Variants in TENM4 observed in about 807,000 individuals in gnomAD.
TENM4 encodes teneurin-4.
TENM4 carries 82 observed loss-of-function variants against 243.3 expected under a neutral mutation model. The ratio of observed to expected loss-of-function variants is 0.34; its 90% CI spans 0.28 to 0.40. The LOEUF is 0.40. Among genes scored for constraint, TENM4 ranks in the 10% least tolerant of loss-of-function variants. TENM4 has a pLI of 1.00. For missense variants in TENM4, 3,138 were observed against 3,673.3 expected, an observed-to-expected ratio of 0.85 and a Z score of 3.77; for synonymous variants, 1,412 against 1,456.3, an observed-to-expected ratio of 0.97 and a Z score of 0.69.
At chr11:79,270,725 G>T (rs1855954346) in intron 2 of TENM4, among the ~76,000 whole-genome samples, 1 of 152,104 alleles carries the variant, frequency 6.6e-6, no homozygotes, top group South Asian at 2.1e-4. Context: ...CTCTATGTAG[G>T]CATCACCTCC....
chr11:78,932,018 T>A (rs1346006219), intron 6 of TENM4, among the ~76,000 whole-genome samples: 1 of 152,138 alleles, frequency 6.6e-6, no homozygotes, highest in African/African-American at 2.4e-5. Flanking sequence ...AAGGTAGTAA[T>A]GGCTACTTCA....
intron 1 of TENM4, among the ~76,000 whole-genome samples, chr11:79,318,983 A>G (rs925958660): frequency 2.9e-4 from 44 of 152,186 alleles, no homozygotes; most frequent in African/African-American, 9.4e-4. Context: ...CTATAGCTGC[A>G]TTATCACTGC....
intron 3 of TENM4, among the ~76,000 whole-genome samples, chr11:79,168,736 A>AC (rs769931016): frequency 6.6e-6 from 1 of 152,148 alleles, no homozygotes; most frequent in Non-Finnish European, 1.5e-5. Context: ...TAGGAGGTGG[A>AC]GTCCATTTCC....
At chr11:78,841,873 A>G (rs1365152123) in intron 12 of TENM4, among the ~76,000 whole-genome samples, 2 of 152,018 alleles carry the variant, frequency 1.3e-5, no homozygotes, top group Non-Finnish European at 2.9e-5. Context: ...ACTGCTCCCA[A>G]TGAGGGCGCC....
At chr11:78,832,769 C>A (rs1020469625) in intron 12 of TENM4, among the ~76,000 whole-genome samples, 1 of 152,182 alleles carries the variant, frequency 6.6e-6, no homozygotes, top group African/African-American at 2.4e-5. Flanking sequence ...CTAGTAAGAG[C>A]AGGTGGAGGA....
At chr11:79,139,947 C>T (rs1206050163) in intron 4 of TENM4, among the ~76,000 whole-genome samples, 3 of 150,194 alleles carry the variant, frequency 2.0e-5, no homozygotes, top group Admixed American at 6.8e-5. Context: ...ATGGAACCAA[C>T]ATTCCTTATG....
chr11:78,773,684 T>A (rs1169991964), intron 17 of TENM4, among the ~76,000 whole-genome samples: 1 of 152,186 alleles, frequency 6.6e-6, no homozygotes, highest in African/African-American at 2.4e-5. Context: ...TACACACTTT[T>A]AAATGAATAA....
At chr11:79,263,114 T>C (rs530368176) in intron 2 of TENM4, among the ~76,000 whole-genome samples, 1 of 152,312 alleles carries the variant, frequency 6.6e-6, no homozygotes, top group South Asian at 2.1e-4. Context: ...CTGCTATCTA[T>C]CAGGAACCCA....
rs1020944922 is a variant in TENM4, at chr11:79,413,492, G to A, written c.-321+27017C>T. Among the ~76,000 whole-genome samples the A allele has an allele frequency of 2.6e-5, 4 of 152,204 alleles. No individual in the cohort carries two copies. The East Asian group carries it at 7.7e-4, about 29-fold the overall frequency. ...CTCCTACTGATTGGTCAGCAGACAT[G>A]AGAGAGAAGACACAAGGTTCCCATG... On this transcript the variant is annotated intron_variant, in intron 1 of 33. Coordinates refer to ENST00000278550, the MANE Select transcript of TENM4 (RefSeq NM_001098816.3).
chr11:78,787,163 A>G, intron 15 of TENM4, 80 bp from the exon 16 acceptor site: 10 of 1,421,892 alleles, frequency 7.0e-6, no homozygotes, highest in Non-Finnish European at 9.4e-6. Flanking sequence ...GAGAGAGGAG[A>G]GAGAAAAACA....
intron 2 of TENM4, among the ~76,000 whole-genome samples, chr11:79,251,916 A>C (rs1423427113): frequency 6.6e-6 from 1 of 152,206 alleles, no homozygotes; most frequent in African/African-American, 2.4e-5. Flanking sequence ...AGACTTGAGG[A>C]AATTTCCCAT....
chr11:78,738,431 G>T lies in TENM4; in HGVS notation c.2876+20C>A. 1 of 1,610,088 alleles carries T rather than the reference G, an allele frequency of 6.2e-7. No individual in the cohort carries two copies. On this transcript the variant is annotated intron_variant, in intron 20 of 33. Coordinates refer to ENST00000278550, the MANE Select transcript of TENM4 (RefSeq NM_001098816.3). Reference sequence around the variant, plus strand: ...AAGAGCGGGACCTTCACTGTTTCTGGCTCATAGAAGGTCTCCTACCTGCCA... The same window carrying T: ...AAGAGCGGGACCTTCACTGTTTCTGTCTCATAGAAGGTCTCCTACCTGCCA...
intron 2 of TENM4, among the ~76,000 whole-genome samples, chr11:79,244,747 C>T (rs1021589099): frequency 6.6e-6 from 1 of 152,162 alleles, no homozygotes; most frequent in African/African-American, 2.4e-5. Context: ...ATTTCTTTCA[C>T]AAGCCTGTAT....
intron 27 of TENM4, among the ~76,000 whole-genome samples, chr11:78,707,105 T>C (rs748816717): frequency 7.9e-5 from 12 of 152,196 alleles, no homozygotes; most frequent in Non-Finnish European, 1.8e-4. Flanking sequence ...CCAGAAAGGC[T>C]GGAAGCAGGT....
intron 1 of TENM4, among the ~76,000 whole-genome samples, chr11:79,377,665 C>T (rs1317648131): frequency 6.6e-6 from 1 of 152,152 alleles, no homozygotes; most frequent in Non-Finnish European, 1.5e-5. Flanking sequence ...TCAGTGCTAA[C>T]CTAGTGCTCA....
chr11:78,725,512 G>C (rs1158620391), intron 23 of TENM4, among the ~76,000 whole-genome samples: 5 of 152,148 alleles, frequency 3.3e-5, no homozygotes, highest in African/African-American at 1.2e-4. Context: ...TTCTTACCCT[G>C]GGTTCCAGCT....
intron 21 of TENM4, 98 bp from the exon 22 acceptor site, chr11:78,729,741 A>G: frequency 6.8e-7 from 1 of 1,460,412 alleles, no homozygotes; most frequent in Non-Finnish European, 9.1e-7. Context: ...TTCAGGAGGT[A>G]GAGGGAAAGG....
intron 7 of TENM4, among the ~76,000 whole-genome samples, chr11:78,897,873 T>C (rs1285395710): frequency 3.3e-5 from 5 of 152,118 alleles, no homozygotes; most frequent in African/African-American, 4.8e-5. Context: ...GCAGGGTTTT[T>C]CCCCAAATTC....
intron 1 of TENM4, among the ~76,000 whole-genome samples, chr11:79,369,311 C>A (rs1442762045): frequency 6.6e-6 from 1 of 152,184 alleles, no homozygotes; most frequent in Non-Finnish European, 1.5e-5. Context: ...CCTGTCACCC[C>A]CTGAGTTAAG....
Sources: gnomAD v4.1 joint callset for allele counts (sites outside exome capture counted in the v4.1 genomes callset) on GRCh38, gnomAD v4.1.1 for gene constraint, MANE v1.5 for transcripts, NCBI Gene and HGNC (gene_info 2026-07-23, HGNC 2026-07-21) for gene names.